Variants in DPP10 observed in about 807,000 individuals in gnomAD.
DPP10 encodes inactive dipeptidyl peptidase 10.
DPP10 carries 33 observed loss-of-function variants against 120.9 expected under a neutral mutation model. The observed-to-expected ratio is 0.27, with a 90% CI of 0.21 to 0.37. DPP10 has a LOEUF of 0.37. Among genes scored for constraint, DPP10 ranks in the 10% least tolerant of loss-of-function variants. DPP10 has a pLI of 1.00. For synonymous variants in DPP10, 337 were observed against 326.1 expected (o/e 1.03, Z -0.36); for missense variants, 816 against 942.8 (o/e 0.87, Z 1.76).
At chr2:115,415,012 G>A (rs914770159) in intron 3 of DPP10, among the ~76,000 whole-genome samples, 1 of 152,078 alleles carries the variant, frequency 6.6e-6, no homozygotes, top group Non-Finnish European at 1.5e-5. Context: ...CCATCTGAAG[G>A]CTTCGTCATT....
At chr2:114,611,275 A>G (rs1374809507) in intron 1 of DPP10, among the ~76,000 whole-genome samples, 1 of 152,212 alleles carries the variant, frequency 6.6e-6, no homozygotes, top group Non-Finnish European at 1.5e-5. Flanking sequence ...AAGGAAGACA[A>G]CATGATTTCA....
chr2:114,549,526 T>A (rs1687696808), intron 1 of DPP10, among the ~76,000 whole-genome samples: 1 of 151,746 alleles, frequency 6.6e-6, no homozygotes, highest in African/African-American at 2.4e-5. Flanking sequence ...CTGGGCATAG[T>A]GGTGCACACC....
intron 19 of DPP10, among the ~76,000 whole-genome samples, chr2:115,808,207 G>A (rs1183633715): frequency 6.6e-6 from 1 of 152,182 alleles, no homozygotes; most frequent in African/African-American, 2.4e-5. Context: ...TATAATTCAA[G>A]CCAGCGAAGA....
At chr2:114,872,431 C>A (rs1209832128) in intron 1 of DPP10, among the ~76,000 whole-genome samples, 1 of 152,140 alleles carries the variant, frequency 6.6e-6, no homozygotes. Context: ...ATTTGAATTA[C>A]AATTCAAGAT....
chr2:115,423,323 A>C (rs891769239), intron 3 of DPP10, among the ~76,000 whole-genome samples: 1 of 152,136 alleles, frequency 6.6e-6, no homozygotes, highest in Non-Finnish European at 1.5e-5. Context: ...GTGGCTAGAA[A>C]GACTATTGAA....
chr2:114,996,368 G>T (rs1701083556), intron 1 of DPP10, among the ~76,000 whole-genome samples: 1 of 152,154 alleles, frequency 6.6e-6, no homozygotes, highest in Non-Finnish European at 1.5e-5. Context: ...CAAGAGCATG[G>T]AGAGTATGTC....
intron 1 of DPP10, among the ~76,000 whole-genome samples, chr2:114,965,964 C>CAAAAAAAAAGAA (rs1698989089): frequency 1.3e-5 from 1 of 74,808 alleles, no homozygotes; most frequent in Non-Finnish European, 2.4e-5. Context: ...GACTCCTTCT[C>CAAAAAAAAAGAA]AAAAAAAAAA....
At chr2:114,479,690 C>A (rs1161454262) in intron 1 of DPP10, among the ~76,000 whole-genome samples, 1 of 152,158 alleles carries the variant, frequency 6.6e-6, no homozygotes, top group Non-Finnish European at 1.5e-5. Flanking sequence ...GAACCCCTTC[C>A]TTACACCTTA....
intron 1 of DPP10, among the ~76,000 whole-genome samples, chr2:114,639,759 C>T (rs896489928): frequency 6.6e-6 from 1 of 151,866 alleles, no homozygotes; most frequent in Non-Finnish European, 1.5e-5. Flanking sequence ...TCAAAAGATA[C>T]TAGACAATTT....
intron 4 of DPP10, among the ~76,000 whole-genome samples, chr2:115,505,711 A>T (rs2148815078): frequency 6.6e-6 from 1 of 152,272 alleles, no homozygotes; most frequent in East Asian, 1.9e-4. Context: ...AATTTTTAAA[A>T]ATACTGGCCA....
rs184577174 is a variant in DPP10, at chr2:114,780,272, A to G, written c.60+337434A>G. Among the ~76,000 whole-genome samples the G allele has an allele frequency of 1.3e-3, 203 of 152,254 alleles. 1 individual carries two copies. Among genetic ancestry groups the G allele is most frequent in the African/African-American group, 4.6e-3 (190 of 41,568 alleles). ...GTATTTTTGTCATCTAACTCATCTAACTCCATCAAATAATAGGATAGCTTG... is the reference window on the plus strand; with the variant it reads ...GTATTTTTGTCATCTAACTCATCTAGCTCCATCAAATAATAGGATAGCTTG... On this transcript the variant is annotated intron_variant, in intron 1 of 25. Transcript: ENST00000410059.
chr2:115,121,130 G>C (rs2049803610), intron 1 of DPP10, among the ~76,000 whole-genome samples: 1 of 152,166 alleles, frequency 6.6e-6, no homozygotes, highest in Non-Finnish European at 1.5e-5. Flanking sequence ...TTTCCCAGGA[G>C]AAATAGGGCT....
chr2:115,454,017 C>T (rs1166540184), intron 3 of DPP10, among the ~76,000 whole-genome samples: 1 of 151,108 alleles, frequency 6.6e-6, no homozygotes, highest in Non-Finnish European at 1.5e-5. Context: ...CCCAAATTAC[C>T]AAAGTGGGGT....
intron 5 of DPP10, among the ~76,000 whole-genome samples, chr2:115,601,894 G>C (rs1357341925): frequency 6.7e-6 from 1 of 149,890 alleles, no homozygotes; most frequent in African/African-American, 2.5e-5. Flanking sequence ...TATTAGCCAA[G>C]ATGGTCTCAA....
At chr2:114,651,035 C>T (rs985465383) in intron 1 of DPP10, among the ~76,000 whole-genome samples, 3 of 152,096 alleles carry the variant, frequency 2.0e-5, no homozygotes, top group African/African-American at 4.8e-5. Context: ...GTTTGACTAC[C>T]ACCTATGTAT....
intron 4 of DPP10, among the ~76,000 whole-genome samples, chr2:115,524,666 G>A (rs998663028): frequency 1.3e-5 from 2 of 152,020 alleles, no homozygotes; most frequent in African/African-American, 4.8e-5. Flanking sequence ...ACTTGTAATC[G>A]CATGATTGAT....
intron 5 of DPP10, among the ~76,000 whole-genome samples, chr2:115,549,388 C>T (rs1232058420): frequency 6.6e-6 from 1 of 152,136 alleles, no homozygotes; most frequent in African/African-American, 2.4e-5. Flanking sequence ...CACAGATGTT[C>T]CTTCCTTGAT....
rs913367003 is a variant in DPP10, at chr2:115,520,044, C to T, written c.367-5854C>T. 9.9e-5 allele frequency among the ~76,000 whole-genome samples: 15 copies of T among 152,236 alleles called. No individual in the cohort carries two copies. In the South Asian group the frequency reaches 1.2e-3, roughly 13 times the overall value. ...AAATTAAACATAAAGGATGGCCGGG[C>T]GTCATGGCTCACGCCTGCAATCCCA... On this transcript the variant is annotated intron_variant, in intron 4 of 25. Transcript: ENST00000410059.
intron 1 of DPP10, among the ~76,000 whole-genome samples, chr2:114,767,985 G>A (rs1301269314): frequency 6.6e-5 from 10 of 152,016 alleles, no homozygotes; most frequent in Admixed American, 1.3e-4. Flanking sequence ...AAAATTAGCC[G>A]GGCATGGTGG....
Sources: allele counts gnomAD v4.1 joint callset (sites outside exome capture counted in the v4.1 genomes callset), GRCh38; gene constraint gnomAD v4.1.1; transcripts MANE v1.5; gene names NCBI Gene and HGNC (gene_info 2026-07-23, HGNC 2026-07-21).